GABBR2: variants seen among roughly 807,000 people sequenced by gnomAD.
GABBR2 encodes the protein G-protein coupled receptor 51.
In GABBR2, 23 loss-of-function variants were observed where a neutral mutation model predicts 105.6. The observed-to-expected ratio is 0.22, with a 90% CI of 0.16 to 0.31. The LOEUF (loss-of-function observed/expected upper bound fraction) is 0.31. Among genes scored for constraint, GABBR2 ranks in the 10% least tolerant of loss-of-function variants. The pLI, the probability that GABBR2 is intolerant of heterozygous loss-of-function variation, is 1.00. For synonymous variants in GABBR2, 478 were observed against 499.7 expected (o/e 0.96, Z 0.58); for missense variants, 734 against 1,245.5 (o/e 0.59, Z 6.18).
chr9:98,661,240 C>T (rs4606175), intron 1 of GABBR2, among the ~76,000 whole-genome samples: 16,033 of 152,244 alleles, frequency 0.11, 938 homozygotes, highest in African/African-American at 0.14. Context: ...TCTTCAAACT[C>T]CCTTTTGCCA....
At chr9:98,468,031 G>A (rs1826596237) in intron 6 of GABBR2, among the ~76,000 whole-genome samples, 1 of 152,232 alleles carries the variant, frequency 6.6e-6, no homozygotes, top group African/African-American at 2.4e-5. Flanking sequence ...AGCCTCAGTG[G>A]AGAGAAGGAG....
At chr9:98,633,300 T>C (rs1829837398) in intron 1 of GABBR2, among the ~76,000 whole-genome samples, 1 of 152,108 alleles carries the variant, frequency 6.6e-6, no homozygotes, top group African/African-American at 2.4e-5. Context: ...CCCAAAACTC[T>C]TAATGTCTTC....
chr9:98,429,121 G>GTGTGTGTGTGT (rs1825753623), intron 7 of GABBR2, among the ~76,000 whole-genome samples: 1 of 145,482 alleles, frequency 6.9e-6, no homozygotes, highest in Non-Finnish European at 1.5e-5. Context: ...CCAGGTTTTT[G>GTGTGTGTGTGT]GTGTGTGTGT....
At chr9:98,661,853 C>T (rs542800025) in intron 1 of GABBR2, among the ~76,000 whole-genome samples, 6 of 152,274 alleles carry the variant, frequency 3.9e-5, no homozygotes, top group South Asian at 4.2e-4. Context: ...CTAGGTTAGG[C>T]CCCGTCCCTC....
At chr9:98,653,192 T>G (rs1202277754) in intron 1 of GABBR2, among the ~76,000 whole-genome samples, 2 of 152,028 alleles carry the variant, frequency 1.3e-5, no homozygotes, top group African/African-American at 4.8e-5. Context: ...AGAGATGAAG[T>G]CTCTCTATGT....
chr9:98,620,370 A>G (rs2131821000), intron 1 of GABBR2, among the ~76,000 whole-genome samples: 1 of 152,202 alleles, frequency 6.6e-6, no homozygotes, highest in East Asian at 1.9e-4. Context: ...ACCGTCTCCT[A>G]CATACATTAC....
intron 4 of GABBR2, among the ~76,000 whole-genome samples, chr9:98,487,268 C>A (rs1827075597): frequency 6.6e-6 from 1 of 152,126 alleles, no homozygotes; most frequent in African/African-American, 2.4e-5. Flanking sequence ...CAGTTTCAGG[C>A]AGTCAGGATG....
At chr9:98,436,063 C>T (rs10818928) in intron 7 of GABBR2, among the ~76,000 whole-genome samples, 118,486 of 150,574 alleles carry the variant, frequency 0.79, 46,717 homozygotes, top group East Asian at 0.89. Context: ...CCCCTATCCT[C>T]CTCATACTAT....
rs1435738717 is a variant in GABBR2 at position 98,306,082 on chromosome 9, CAG to C, written c.2229+37_2229+38del. On this transcript the variant is annotated intron_variant, in intron 15 of 18. Transcript: ENST00000259455. The surrounding 1 kb of genome is among the most constrained non-coding windows in gnomAD (Gnocchi z 5.4). The stretch of plus-strand genomic sequence containing the variant: ...GCCAGCAATGCCCCTGTGCTGGAGT[CAG>C]AGGGCAGAGGCCAGGTGGTGGGGCC... 1 of 1,402,842 alleles carries C rather than the reference CAG, an allele frequency of 7.1e-7. No homozygotes were observed. 86.9% of individuals were successfully genotyped at this position (1,402,842 alleles called of 1,614,324 possible).
At chr9:98,604,880 A>T (rs563861593) in intron 1 of GABBR2, among the ~76,000 whole-genome samples, 1 of 152,178 alleles carries the variant, frequency 6.6e-6, no homozygotes, top group Non-Finnish European at 1.5e-5. Context: ...TGGTACTCCA[A>T]TCTAGACCCC....
intron 13 of GABBR2, among the ~76,000 whole-genome samples, chr9:98,356,124 T>G (rs564954891): frequency 1.3e-5 from 2 of 152,282 alleles, no homozygotes; most frequent in African/African-American, 4.8e-5. Flanking sequence ...CAAGGTAACT[T>G]TGTGTTTGGC....
chr9:98,704,286 C>T (rs1324438874), intron 1 of GABBR2, among the ~76,000 whole-genome samples: 1 of 152,186 alleles, frequency 6.6e-6, no homozygotes, highest in East Asian at 1.9e-4. Context: ...AAAAGACATG[C>T]TCAACAATCA....
In GABBR2 at chr9:98,588,392, A is replaced by G. The variant is rs145713395; in HGVS notation, c.322-10320T>C. On this transcript the variant is annotated intron_variant, in intron 1 of 18. Coordinates refer to ENST00000259455, the MANE Select transcript of GABBR2 (RefSeq NM_005458.8). ...ATTCTTTGAACAGAACAGGTACCCAAGAAACATTTACTGAAGTGTTAAATT... is the reference window on the plus strand; with the variant it reads ...ATTCTTTGAACAGAACAGGTACCCAGGAAACATTTACTGAAGTGTTAAATT... 4.9e-3 allele frequency among the ~76,000 whole-genome samples: 753 copies of G among 152,380 alleles called. 4 individuals carry two copies. The highest frequency in any genetic ancestry group is 8.4e-3 in the Non-Finnish European group (574 of 68,032).
chr9:98,563,013 T>C (rs1828697799), intron 2 of GABBR2, among the ~76,000 whole-genome samples: 3 of 125,870 alleles, frequency 2.4e-5, no homozygotes, highest in Middle Eastern at 7.1e-3. Flanking sequence ...GAGGTTGCAG[T>C]GAGCTGAGAT....
At chr9:98,368,031 T>C (rs1831712394) in intron 12 of GABBR2, among the ~76,000 whole-genome samples, 1 of 152,172 alleles carries the variant, frequency 6.6e-6, no homozygotes, top group Non-Finnish European at 1.5e-5. Context: ...ATCCCCTCTG[T>C]GCATGAAGTT....
At chr9:98,319,699 G>A (rs1227275029) in intron 13 of GABBR2, among the ~76,000 whole-genome samples, 2 of 152,068 alleles carry the variant, frequency 1.3e-5, no homozygotes, top group Non-Finnish European at 2.9e-5. Flanking sequence ...TTCCAAACAC[G>A]AATGGGGTTC....
At chr9:98,675,073 G>A (rs910911279) in intron 1 of GABBR2, among the ~76,000 whole-genome samples, 2 of 152,192 alleles carry the variant, frequency 1.3e-5, no homozygotes, top group African/African-American at 4.8e-5. Flanking sequence ...CTCTTAGAGG[G>A]TCTAGGGAAG....
chr9:98,311,024 G>C lies in GABBR2; in HGVS notation c.2004+71C>G. On this transcript the variant is annotated intron_variant, in intron 14 of 18. Transcript: ENST00000259455. The stretch of plus-strand genomic sequence containing the variant: ...GGCTCTGTTTATTTTTACATTGATG[G>C]AGGCCCCTGGGAGACAGAGGCCCAA... The C allele has an allele frequency of 2.5e-6, 2 of 808,418 alleles. 1 individual carries two copies. Among genetic ancestry groups the C allele is most frequent in the South Asian group, 3.0e-5 (2 of 67,240 alleles). 50.1% of individuals were successfully genotyped at this position (808,418 alleles called of 1,614,324 possible).
intron 11 of GABBR2, among the ~76,000 whole-genome samples, chr9:98,376,038 C>T (rs539392396): frequency 7.2e-5 from 11 of 152,312 alleles, no homozygotes; most frequent in African/African-American, 2.6e-4. Flanking sequence ...CCATCAGGTA[C>T]TCAGCCCCCT....
Sources: gnomAD v4.1 joint callset for allele counts (sites outside exome capture counted in the v4.1 genomes callset) on GRCh38, gnomAD v4.1.1 for gene constraint, Gnocchi (gnomAD v3.1) non-coding constraint, MANE v1.5 for transcripts, NCBI Gene and HGNC (gene_info 2026-07-23, HGNC 2026-07-21) for gene names.